Variants in ZC3H3 observed in about 807,000 individuals in gnomAD.
ZC3H3 encodes zinc finger CCCH domain-containing protein 3.
A neutral mutation model predicts 77.3 loss-of-function variants in ZC3H3; 36 were observed. The ratio of observed to expected loss-of-function variants is 0.47; its 90% CI spans 0.36 to 0.61. ZC3H3 has a LOEUF of 0.61. ZC3H3 is among the 20% of genes least tolerant of loss of function. The pLI is 0.00. For synonymous variants in ZC3H3, 626 were observed against 555.2 expected (o/e 1.13, Z -1.79); for missense variants, 1,331 against 1,312.2 (o/e 1.01, Z -0.22).
At chr8:143,473,510 G>A (rs1820638665) in intron 5 of ZC3H3, among the ~76,000 whole-genome samples, 1 of 152,204 alleles carries the variant, frequency 6.6e-6, no homozygotes, top group South Asian at 2.1e-4. Flanking sequence ...GCAGGCAGGT[G>A]AGGGCTCGGG....
At chr8:143,445,958 T>C (rs1406043097) in intron 9 of ZC3H3, among the ~76,000 whole-genome samples, 1 of 152,224 alleles carries the variant, frequency 6.6e-6, no homozygotes. Context: ...ACTTGCTTTA[T>C]TATTATGAAG....
chr8:143,539,672 T>TC (rs1563892423), intron 1 of ZC3H3, among the ~76,000 whole-genome samples: 2 of 152,094 alleles, frequency 1.3e-5, no homozygotes, highest in Non-Finnish European at 2.9e-5. Context: ...ATCGCAATGA[T>TC]CCCCTCTGCA....
chr8:143,507,984 T>C (rs953299293), intron 3 of ZC3H3, 85 bp from the exon 4 acceptor site: 69 of 1,405,966 alleles, frequency 4.9e-5, no homozygotes, highest in Non-Finnish European at 6.5e-5. Flanking sequence ...GTGCCAGCTC[T>C]GCCCACCGCC....
chr8:143,461,406 G>C (rs543496193), intron 9 of ZC3H3, among the ~76,000 whole-genome samples: 1 of 152,280 alleles, frequency 6.6e-6, no homozygotes, highest in South Asian at 2.1e-4. Context: ...GCCGGCAGGA[G>C]TGTCAAACAG....
chr8:143,530,909 C>A lies in ZC3H3; in HGVS notation c.1561+5348G>T, dbSNP rs889217466. Among the ~76,000 whole-genome samples, 11 of 151,688 alleles carry A rather than the reference C, an allele frequency of 7.3e-5. No individual in the cohort carries two copies. Among genetic ancestry groups the A allele is most frequent in the Admixed American group, 5.9e-4 (9 of 15,228 alleles). On this transcript the variant is annotated intron_variant, in intron 3 of 11. Coordinates refer to ENST00000262577, the MANE Select transcript of ZC3H3 (RefSeq NM_015117.3). The surrounding 1 kb of genome is among the most constrained non-coding windows in gnomAD (Gnocchi z 4.3). Reference sequence around the variant, plus strand: ...GGCAGGTCTCTACTGCAGCCTCCAGCAAACATTACTCGCCCAGGCCACCCT... The same window carrying A: ...GGCAGGTCTCTACTGCAGCCTCCAGAAAACATTACTCGCCCAGGCCACCCT...
chr8:143,514,811 C>T lies in ZC3H3; in HGVS notation c.1562-6912G>A, dbSNP rs117009925. Among the ~76,000 whole-genome samples the T allele has an allele frequency of 3.4e-4, 51 of 152,222 alleles. No homozygotes were observed. In the East Asian group the frequency reaches 5.2e-3, roughly 16 times the overall value. On this transcript the variant is annotated intron_variant, in intron 3 of 11. Coordinates refer to ENST00000262577, the MANE Select transcript of ZC3H3 (RefSeq NM_015117.3). ...GGTGCAGTGAGGGGCTGCATGGCCA[C>T]GCTCCAAGGCCACTCTCCGAGGCAG...
rs560258233 is a variant in ZC3H3, at chr8:143,441,245, T to A, written c.2308-125A>T. 88 of 1,043,890 alleles carry A rather than the reference T, an allele frequency of 8.4e-5. No individual in the cohort carries two copies. The African/African-American group carries it at 1.3e-3, about 16-fold the overall frequency. The allele number at this position is 1,043,890 out of a possible 1,614,324, so 64.7% of individuals were successfully genotyped here. On this transcript the variant is annotated intron_variant, in intron 9 of 11. Coordinates refer to ENST00000262577, the MANE Select transcript of ZC3H3 (RefSeq NM_015117.3). Reference sequence around the variant, plus strand: ...GGGCCCCATAGGCTCCGTCCAAGTCTTGGGGCCAAAGGCTTCCTCTTGGAA... The same window carrying A: ...GGGCCCCATAGGCTCCGTCCAAGTCATGGGGCCAAAGGCTTCCTCTTGGAA...
Position 143,465,140 on chromosome 8 carries a change from G to A in ZC3H3, c.2307+577C>T, listed in dbSNP as rs567178641. Reference sequence around the variant, plus strand: ...AGGAAGAGGGGAGCCGCAGCCATCAGCTACAGCCCAGGTCCCCAATTCTCC... The same window carrying A: ...AGGAAGAGGGGAGCCGCAGCCATCAACTACAGCCCAGGTCCCCAATTCTCC... On this transcript the variant is annotated intron_variant, in intron 9 of 11. Coordinates refer to ENST00000262577, the MANE Select transcript of ZC3H3 (RefSeq NM_015117.3). 3.7e-4 allele frequency among the ~76,000 whole-genome samples: 57 copies of A among 152,226 alleles called. 1 individual carries two copies. Among genetic ancestry groups the A allele is most frequent in the African/African-American group, 1.4e-3 (57 of 41,520 alleles).
intron 4 of ZC3H3, among the ~76,000 whole-genome samples, chr8:143,503,654 C>A (rs1821599313): frequency 2.0e-5 from 3 of 147,018 alleles, no homozygotes; most frequent in Non-Finnish European, 4.5e-5. Context: ...ACTGTCTCCA[C>A]CACCACCTCC....
chr8:143,450,640 C>T (rs1055373641), intron 9 of ZC3H3, among the ~76,000 whole-genome samples: 3 of 152,162 alleles, frequency 2.0e-5, no homozygotes, highest in East Asian at 3.9e-4. Context: ...CTGAGCAGGT[C>T]GAGAGAGGGG....
At chr8:143,510,101 G>A (rs565099529) in intron 3 of ZC3H3, among the ~76,000 whole-genome samples, 1 of 152,342 alleles carries the variant, frequency 6.6e-6, no homozygotes, top group South Asian at 2.1e-4. Flanking sequence ...GTCAGGTCAG[G>A]CTTCTTTGCC....
intron 4 of ZC3H3, among the ~76,000 whole-genome samples, chr8:143,485,431 G>A (rs542023502): frequency 6.6e-5 from 10 of 152,306 alleles, no homozygotes; most frequent in East Asian, 1.9e-4. Flanking sequence ...CTGCTCACCC[G>A]AGTGACGCAG....
intron 3 of ZC3H3, among the ~76,000 whole-genome samples, chr8:143,526,264 C>T (rs1439027826): frequency 6.6e-6 from 1 of 152,172 alleles, no homozygotes; most frequent in East Asian, 1.9e-4. Flanking sequence ...CCAGGCTGGC[C>T]CACCAGTCAC....
At chr8:143,512,935 C>A (rs766987272) in intron 3 of ZC3H3, among the ~76,000 whole-genome samples, 9 of 152,190 alleles carry the variant, frequency 5.9e-5, no homozygotes, top group Non-Finnish European at 1.3e-4. Context: ...CCGAGCCTGC[C>A]TGGAAGGAGC....
chr8:143,491,712 A>G (rs1049330497), intron 4 of ZC3H3, among the ~76,000 whole-genome samples: 2 of 152,308 alleles, frequency 1.3e-5, no homozygotes, highest in South Asian at 4.1e-4. Flanking sequence ...CACAGCAGGG[A>G]TGGGGTGGAC....
At chr8:143,524,554 T>G (rs560743302) in intron 3 of ZC3H3, among the ~76,000 whole-genome samples, 1 of 152,298 alleles carries the variant, frequency 6.6e-6, no homozygotes, top group Non-Finnish European at 1.5e-5. Flanking sequence ...CCCATCACGC[T>G]AGCAGCAGGC....
At chr8:143,475,349 C>G (rs377139844) in intron 5 of ZC3H3, 49 bp downstream of exon 5, 2 of 1,576,118 alleles carry the variant, frequency 1.3e-6, no homozygotes, top group African/African-American at 1.3e-5. Context: ...GCCCACCACA[C>G]GCTAGCCGGT....
chr8:143,474,728 T>C lies in ZC3H3; in HGVS notation c.1903+670A>G, dbSNP rs756762304. On this transcript the variant is annotated intron_variant, in intron 5 of 11. Transcript: ENST00000262577. ...CCACCTGCAATCTCCCTCTTTTTTT[T>C]TGATGGACAAGAAAGGGGGTAAAAT... 5.9e-5 allele frequency among the ~76,000 whole-genome samples: 9 copies of C among 152,226 alleles called. No homozygotes were observed. The East Asian group carries it at 9.6e-4, about 16-fold the overall frequency.
At chr8:143,466,103 C>T (rs890200849) in intron 8 of ZC3H3, among the ~76,000 whole-genome samples, 20 of 152,232 alleles carry the variant, frequency 1.3e-4, no homozygotes, top group African/African-American at 4.1e-4. Flanking sequence ...AGCCCTGTGG[C>T]TCAGCCTCAG....
Sources: allele counts gnomAD v4.1 joint callset (sites outside exome capture counted in the v4.1 genomes callset), GRCh38; gene constraint gnomAD v4.1.1; non-coding constraint Gnocchi (gnomAD v3.1); transcripts MANE v1.5; gene names NCBI Gene and HGNC (gene_info 2026-07-23, HGNC 2026-07-21).